Variants in CNTN5 observed in about 807,000 individuals in gnomAD.
The protein encoded by CNTN5 is contactin 5.
CNTN5 carries 77 observed loss-of-function variants against 129.1 expected under a neutral mutation model. The observed-to-expected ratio is 0.60, with a 90% CI of 0.50 to 0.72. The LOEUF (loss-of-function observed/expected upper bound fraction) is 0.72. CNTN5 is among the 30% of genes least tolerant of loss of function. CNTN5 has a pLI of 0.00. For synonymous variants in CNTN5, 509 were observed against 465.6 expected (o/e 1.09, Z -1.20); for missense variants, 1,478 against 1,328.8 (o/e 1.11, Z -1.75).
intron 3 of CNTN5, among the ~76,000 whole-genome samples, chr11:99,583,725 C>A (rs1949697016): frequency 1.3e-5 from 2 of 152,168 alleles, no homozygotes; most frequent in African/African-American, 4.8e-5. Flanking sequence ...CCGTCTGTCA[C>A]CCCTTTCTTT....
intron 1 of CNTN5, among the ~76,000 whole-genome samples, chr11:99,155,316 T>C (rs936220907): frequency 6.6e-6 from 1 of 152,244 alleles, no homozygotes; most frequent in Non-Finnish European, 1.5e-5. Flanking sequence ...TTCAGTCTTA[T>C]CACTTTTAAT....
At chr11:99,725,128 A>C (rs1341268324) in intron 3 of CNTN5, among the ~76,000 whole-genome samples, 1 of 152,174 alleles carries the variant, frequency 6.6e-6, no homozygotes, top group African/African-American at 2.4e-5. Context: ...TTAGATGTGA[A>C]ACTTCTCTTT....
intron 1 of CNTN5, among the ~76,000 whole-genome samples, chr11:99,250,069 A>C (rs1019612698): frequency 1.3e-5 from 2 of 151,980 alleles, no homozygotes; most frequent in Admixed American, 1.3e-4. Context: ...GAAGGCATAG[A>C]CACTTCAATA....
rs143692028 is a variant in CNTN5, at chr11:99,650,551, T to G, written c.55+94282T>G. Among the ~76,000 whole-genome samples the G allele has an allele frequency of 4.6e-5, 7 of 152,014 alleles. No homozygotes were observed. In the East Asian group the frequency reaches 1.2e-3, roughly 25 times the overall value. ...ATAGATGTTACATAAACTACTTTCATTTTTGTTCTTTCCTTAGACAAAAAG... is the reference window on the plus strand; with the variant it reads ...ATAGATGTTACATAAACTACTTTCAGTTTTGTTCTTTCCTTAGACAAAAAG... On this transcript the variant is annotated intron_variant, in intron 3 of 24. Coordinates refer to ENST00000524871, the MANE Select transcript of CNTN5 (RefSeq NM_014361.4).
chr11:99,641,105 G>T (rs919785920), intron 3 of CNTN5, among the ~76,000 whole-genome samples: 1 of 152,210 alleles, frequency 6.6e-6, no homozygotes, highest in African/African-American at 2.4e-5. Flanking sequence ...AGGGGGCAAA[G>T]TTGGGAGAAA....
intron 1 of CNTN5, among the ~76,000 whole-genome samples, chr11:99,031,429 A>G (rs1863366710): frequency 6.6e-6 from 1 of 152,194 alleles, no homozygotes; most frequent in African/African-American, 2.4e-5. Context: ...TATAGTAGAA[A>G]GAAATGGAAG....
intron 3 of CNTN5, among the ~76,000 whole-genome samples, chr11:99,779,929 C>T (rs192419380): frequency 3.9e-5 from 6 of 152,116 alleles, no homozygotes; most frequent in African/African-American, 1.4e-4. Context: ...AGGACTCCTA[C>T]TACATCTTAG....
chr11:99,748,161 G>T (rs1407598190), intron 3 of CNTN5, among the ~76,000 whole-genome samples: 1 of 152,034 alleles, frequency 6.6e-6, no homozygotes, highest in Non-Finnish European at 1.5e-5. Flanking sequence ...GGGATATATT[G>T]CCCTATGCTT....
chr11:100,061,887 G>T (rs1943498178), intron 10 of CNTN5, among the ~76,000 whole-genome samples: 1 of 152,164 alleles, frequency 6.6e-6, no homozygotes, highest in African/African-American at 2.4e-5. Context: ...GACTTGCAAA[G>T]ACTGAAATAT....
Position 99,797,785 on chromosome 11 carries a change from C to T in CNTN5, c.56-21759C>T, listed in dbSNP as rs533434790. Among the ~76,000 whole-genome samples the T allele has an allele frequency of 2.0e-5, 3 of 152,086 alleles. No homozygotes were observed. In the East Asian group the frequency reaches 5.8e-4, roughly 29 times the overall value. On this transcript the variant is annotated intron_variant, in intron 3 of 24. Coordinates refer to ENST00000524871, the MANE Select transcript of CNTN5 (RefSeq NM_014361.4). ...GAATCGCTTTAGTTTAATTAGGTCC[C>T]ACTTGTCAATTTTTGTGTGTGTTGG... is the stretch of plus-strand genomic sequence containing the variant.
chr11:99,378,862 A>C (rs997588454), intron 2 of CNTN5, among the ~76,000 whole-genome samples: 2 of 152,144 alleles, frequency 1.3e-5, no homozygotes, highest in Non-Finnish European at 2.9e-5. Flanking sequence ...ATATTATAAT[A>C]GTTGCTTTTA....
chr11:99,502,802 C>A (rs1591174690), intron 2 of CNTN5, among the ~76,000 whole-genome samples: 1 of 152,266 alleles, frequency 6.6e-6, no homozygotes, highest in Admixed American at 6.5e-5. Context: ...TATGATGTCT[C>A]ACTTTTCATC....
chr11:99,100,795 A>G (rs1217297619), intron 1 of CNTN5, among the ~76,000 whole-genome samples: 1 of 152,214 alleles, frequency 6.6e-6, no homozygotes, highest in Non-Finnish European at 1.5e-5. Flanking sequence ...TTGCACAAAT[A>G]AAAATATAAA....
At chr11:99,327,629 A>G (rs562024273) in intron 2 of CNTN5, among the ~76,000 whole-genome samples, 1 of 152,334 alleles carries the variant, frequency 6.6e-6, no homozygotes, top group East Asian at 1.9e-4. Context: ...CACTCCAAAA[A>G]GACATAAGTG....
intron 1 of CNTN5, among the ~76,000 whole-genome samples, chr11:99,033,423 T>C (rs1863510429): frequency 2.0e-5 from 3 of 152,216 alleles, no homozygotes; most frequent in Non-Finnish European, 2.9e-5. Context: ...TTCCATTTGT[T>C]TGTGTCCTCT....
chr11:100,046,688 T>A (rs192479871), intron 9 of CNTN5, among the ~76,000 whole-genome samples: 85 of 152,288 alleles, frequency 5.6e-4, no homozygotes, highest in Non-Finnish European at 9.1e-4. Flanking sequence ...TGTTACCAGA[T>A]TAATTTTTCC....
At chr11:99,652,950 A>T (rs1159854376) in intron 3 of CNTN5, among the ~76,000 whole-genome samples, 1 of 152,014 alleles carries the variant, frequency 6.6e-6, no homozygotes. Context: ...TCATTGAGAA[A>T]GGGTTTATTT....
intron 1 of CNTN5, among the ~76,000 whole-genome samples, chr11:99,131,421 G>A (rs1242523861): frequency 6.6e-6 from 1 of 151,832 alleles, no homozygotes; most frequent in Non-Finnish European, 1.5e-5. Context: ...TGGAACTGAA[G>A]GAGACAGAGA....
rs946477245 is a variant in CNTN5, at chr11:100,309,279, C to A, written c.2730+811C>A. The A allele has an allele frequency of 3.0e-6, 3 of 983,868 alleles. No individual in the cohort carries two copies. The African/African-American group carries it at 5.2e-5, about 17-fold the overall frequency. The allele number at this position is 983,868 out of a possible 1,614,324, so 60.9% of individuals were successfully genotyped here. On this transcript the variant is annotated intron_variant, in intron 21 of 24. Coordinates refer to ENST00000524871, the MANE Select transcript of CNTN5 (RefSeq NM_014361.4). The stretch of plus-strand genomic sequence containing the variant: ...AGAGAAAATCATCTTGTGTCTTGAA[C>A]AATGATCAAGTATAGGACTTGTATA...
Sources: allele counts gnomAD v4.1 joint callset (sites outside exome capture counted in the v4.1 genomes callset), GRCh38; gene constraint gnomAD v4.1.1; transcripts MANE v1.5; gene names NCBI Gene and HGNC (gene_info 2026-07-23, HGNC 2026-07-21).